Variants in LRRTM4 observed in about 807,000 individuals in gnomAD.
The protein encoded by LRRTM4 is leucine-rich repeat transmembrane neuronal protein 4.
Under a neutral mutation model 47.6 loss-of-function variants are expected in LRRTM4, and 25 were observed. The observed-to-expected ratio is 0.53, with a 90% confidence interval of 0.38 to 0.73. The LOEUF (loss-of-function observed/expected upper bound fraction) is 0.73, where lower values mean the gene tolerates loss of function less well. Ranked by LOEUF, LRRTM4 falls within the 30% of genes least tolerant of loss-of-function variation. The probability of loss-of-function intolerance (pLI) is 0.00; values close to 1 mark genes in which losing one functional copy is unlikely to be tolerated. For synonymous variants in LRRTM4, 311 were observed against 269.5 expected, an observed-to-expected ratio of 1.15 and a Z score of -1.51; for missense variants, 638 against 713.4, an observed-to-expected ratio of 0.89 and a Z score of 1.20.
chr2:76,904,540 T>C (rs1165864985), intron 3 of LRRTM4, among the ~76,000 whole-genome samples: 1 of 152,254 alleles, frequency 6.6e-6, no homozygotes, highest in East Asian at 1.9e-4. Context: ...TGAAACATTA[T>C]ATATCTCTGT....
intron 3 of LRRTM4, among the ~76,000 whole-genome samples, chr2:77,016,259 G>A (rs975920869): frequency 4.0e-5 from 6 of 151,546 alleles, no homozygotes; most frequent in East Asian, 2.0e-4. Flanking sequence ...GGTGGCAGGC[G>A]CCTGTAGTCC....
intron 3 of LRRTM4, among the ~76,000 whole-genome samples, chr2:77,306,599 C>G (rs759866785): frequency 2.6e-5 from 4 of 152,082 alleles, no homozygotes; most frequent in African/African-American, 9.7e-5. Flanking sequence ...AGCGGTTAAC[C>G]TGAGACCAAT....
chr2:76,950,404 G>A (rs1298189068), intron 3 of LRRTM4, among the ~76,000 whole-genome samples: 1 of 151,928 alleles, frequency 6.6e-6, no homozygotes, highest in African/African-American at 2.4e-5. Flanking sequence ...CAAAGCATAT[G>A]TCAGAAAATC....
At chr2:76,949,945 G>A (rs1336930893) in intron 3 of LRRTM4, among the ~76,000 whole-genome samples, 1 of 151,792 alleles carries the variant, frequency 6.6e-6, no homozygotes. Context: ...GCAAAATGCA[G>A]GAAAAGTAGA....
chr2:77,387,386 G>A (rs773560209), intron 3 of LRRTM4, among the ~76,000 whole-genome samples: 6 of 152,158 alleles, frequency 3.9e-5, no homozygotes, highest in Non-Finnish European at 7.3e-5. Context: ...GTTCCTGTAT[G>A]TCTTCTGAGC....
chr2:76,852,888 G>T (rs1255585532), intron 3 of LRRTM4, among the ~76,000 whole-genome samples: 1 of 152,106 alleles, frequency 6.6e-6, no homozygotes, highest in African/African-American at 2.4e-5. Context: ...CAATGCAGAG[G>T]CTAGAAATTA....
At chr2:77,089,108 C>T (rs796962882) in intron 3 of LRRTM4, among the ~76,000 whole-genome samples, 25 of 152,216 alleles carry the variant, frequency 1.6e-4, no homozygotes, top group African/African-American at 5.3e-4. Flanking sequence ...GGACGCCTGC[C>T]TTGGTCCTTC....
chr2:76,917,211 AT>A (rs1335705298), intron 3 of LRRTM4, among the ~76,000 whole-genome samples: 6 of 152,324 alleles, frequency 3.9e-5, no homozygotes, highest in Admixed American at 6.5e-5. Flanking sequence ...ACATGGCTAC[AT>A]TGTTTTAAAT....
intron 3 of LRRTM4, among the ~76,000 whole-genome samples, chr2:76,826,313 G>C (rs533588837): frequency 4.9e-4 from 75 of 151,676 alleles, no homozygotes; most frequent in Non-Finnish European, 8.0e-4. Flanking sequence ...TTTAGGGCTA[G>C]GAATGAGAAA....
In LRRTM4 at chr2:76,849,735, T is replaced by C. The variant is rs1256142931; in HGVS notation, c.1552-100819A>G. ...AAAACAAATGCTTGCGAAAAGATTA[T>C]AGTCTTTTTGTATTTGAATCTGTAT... is the stretch of plus-strand genomic sequence containing the variant. On this transcript the variant is annotated intron_variant, in intron 3 of 3. Coordinates refer to ENST00000409884, the MANE Select transcript of LRRTM4 (RefSeq NM_001134745.3). Among the ~76,000 whole-genome samples, 4 of 152,236 alleles carry C rather than the reference T, an allele frequency of 2.6e-5. No homozygotes were observed. The East Asian group carries it at 7.7e-4, about 29-fold the overall frequency.
At chr2:77,257,237 A>C (rs1331435770) in intron 3 of LRRTM4, among the ~76,000 whole-genome samples, 4 of 152,090 alleles carry the variant, frequency 2.6e-5, no homozygotes, top group Non-Finnish European at 1.5e-5. Context: ...TCTGGGAATA[A>C]GGCAAGGCTA....
At chr2:76,861,797 T>A (rs912259851) in intron 3 of LRRTM4, among the ~76,000 whole-genome samples, 3 of 152,200 alleles carry the variant, frequency 2.0e-5, no homozygotes, top group Non-Finnish European at 2.9e-5. Context: ...TAAAGAAGCA[T>A]TGAATTTCCC....
chr2:77,243,122 G>C (rs1675315559), intron 3 of LRRTM4, among the ~76,000 whole-genome samples: 1 of 152,208 alleles, frequency 6.6e-6, no homozygotes, highest in South Asian at 2.1e-4. Context: ...TCATAAAAAA[G>C]ATAAATACGG....
At chr2:77,466,211 G>T (rs1407540508) in intron 3 of LRRTM4, among the ~76,000 whole-genome samples, 1 of 152,110 alleles carries the variant, frequency 6.6e-6, no homozygotes, top group East Asian at 1.9e-4. Context: ...GGACAGCAAA[G>T]GCTTGTGAAT....
intron 3 of LRRTM4, among the ~76,000 whole-genome samples, chr2:76,766,991 C>G (rs758950141): frequency 3.9e-5 from 6 of 152,176 alleles, no homozygotes; most frequent in Non-Finnish European, 8.8e-5. Context: ...GCTACAGCTC[C>G]TACCTAGATC....
intron 3 of LRRTM4, among the ~76,000 whole-genome samples, chr2:77,472,840 GAATGAAATAAAGGAAGGAATA>G (rs143016360): frequency 0.2 from 30,964 of 151,992 alleles, 3,575 homozygotes; most frequent in Non-Finnish European, 0.27. Flanking sequence ...TATGGCTGGT[GAATGAAATAAAGGAAGGAATA>G]AATGAATGAA....
chr2:77,317,252 G>GT (rs1378664408), intron 3 of LRRTM4, among the ~76,000 whole-genome samples: 2 of 152,076 alleles, frequency 1.3e-5, no homozygotes, highest in East Asian at 3.9e-4. Flanking sequence ...CATATTTGCA[G>GT]TTTTTTGCAA....
chr2:77,076,172 C>T (rs1680330956), intron 3 of LRRTM4, among the ~76,000 whole-genome samples: 1 of 152,072 alleles, frequency 6.6e-6, no homozygotes, highest in Non-Finnish European at 1.5e-5. Flanking sequence ...AAAAGCCCAT[C>T]TAACATAAAT....
intron 3 of LRRTM4, among the ~76,000 whole-genome samples, chr2:76,888,916 A>G (rs912729160): frequency 3.9e-5 from 6 of 151,904 alleles, no homozygotes; most frequent in African/African-American, 1.2e-4. Flanking sequence ...AAATTATTCA[A>G]TTAAGACATG....
Sources: allele counts gnomAD v4.1 joint callset (sites outside exome capture counted in the v4.1 genomes callset), GRCh38; gene constraint gnomAD v4.1.1; transcripts MANE v1.5; gene names NCBI Gene and HGNC (gene_info 2026-07-23, HGNC 2026-07-21).